The following PCED1B variants were observed in gnomAD, a reference collection of about 807,000 sequenced individuals.
PCED1B encodes the protein PC-esterase domain containing 1B.
For missense variants in PCED1B, 573 were observed against 573.9 expected (o/e 1.00, Z 0.02); for synonymous variants, 251 against 246.1 (o/e 1.02, Z -0.19).
At chr12:47,148,762 A>G (rs1940883981) in intron 2 of PCED1B, among the ~76,000 whole-genome samples, 1 of 152,226 alleles carries the variant, frequency 6.6e-6, no homozygotes, top group Admixed American at 6.5e-5. Flanking sequence ...AAATTTATTC[A>G]TCATTAATTC....
chr12:47,090,180 A>G (rs1938202175), intron 1 of PCED1B, among the ~76,000 whole-genome samples: 1 of 152,166 alleles, frequency 6.6e-6, no homozygotes, highest in African/African-American at 2.4e-5. Context: ...TCAGCCCAAT[A>G]ACGGAGAATG....
chr12:47,148,459 AGCTATAGG>A (rs1410322376), intron 2 of PCED1B, among the ~76,000 whole-genome samples: 1 of 152,194 alleles, frequency 6.6e-6, no homozygotes, highest in African/African-American at 2.4e-5. Context: ...AGTAGGGGCT[AGCTATAGG>A]GCAGGAAACC....
intron 2 of PCED1B, among the ~76,000 whole-genome samples, chr12:47,110,998 C>A (rs1939170307): frequency 6.6e-6 from 1 of 152,154 alleles, no homozygotes; most frequent in African/African-American, 2.4e-5. Context: ...AACTTCAAAT[C>A]TCAAAGAGAA....
At chr12:47,221,709 A>G (rs1380298836) in intron 3 of PCED1B, among the ~76,000 whole-genome samples, 2 of 152,226 alleles carry the variant, frequency 1.3e-5, no homozygotes, top group African/African-American at 4.8e-5. Context: ...ATTGTTGGTC[A>G]ATGCAATATT....
intron 3 of PCED1B, among the ~76,000 whole-genome samples, chr12:47,225,863 T>C (rs2137863129): frequency 6.6e-6 from 1 of 152,318 alleles, no homozygotes; most frequent in Admixed American, 6.5e-5. Context: ...CTTATTTCAG[T>C]GTACCTCTTC....
chr12:47,196,668 A>C (rs867852005), intron 2 of PCED1B, among the ~76,000 whole-genome samples: 5 of 152,094 alleles, frequency 3.3e-5, no homozygotes, highest in Admixed American at 2.6e-4. Context: ...TCTCTACTAA[A>C]ATTGCAAAAA....
intron 2 of PCED1B, among the ~76,000 whole-genome samples, chr12:47,215,546 G>A (rs931912533): frequency 4.6e-5 from 7 of 151,954 alleles, no homozygotes; most frequent in South Asian, 2.1e-4. Flanking sequence ...GAGCCACAGC[G>A]CCAGACGAAC....
intron 2 of PCED1B, among the ~76,000 whole-genome samples, chr12:47,188,641 A>G (rs1437711955): frequency 3.3e-5 from 5 of 152,234 alleles, no homozygotes; most frequent in Non-Finnish European, 7.3e-5. Flanking sequence ...AGAGTAGCAG[A>G]GTCTTGCAGA....
intron 3 of PCED1B, among the ~76,000 whole-genome samples, chr12:47,232,189 T>G (rs1943829239): frequency 1.3e-5 from 2 of 152,218 alleles, no homozygotes; most frequent in Non-Finnish European, 2.9e-5. Context: ...TGCTTCAGTT[T>G]TGTTTTGTTT....
chr12:47,165,609 T>C (rs1192230795), intron 2 of PCED1B, among the ~76,000 whole-genome samples: 1 of 152,232 alleles, frequency 6.6e-6, no homozygotes, highest in Non-Finnish European at 1.5e-5. Context: ...CAAATGTCTA[T>C]ATAGGCTTTT....
intron 2 of PCED1B, among the ~76,000 whole-genome samples, chr12:47,175,826 C>G (rs950498856): frequency 1.3e-5 from 2 of 152,000 alleles, no homozygotes; most frequent in Admixed American, 6.6e-5. Context: ...CCTGCCTCAG[C>G]CTCCCAAAGT....
rs775473045 is a variant in PCED1B, at chr12:47,235,147, A to G, written c.84A>G (p.Ala28=). The G allele has an allele frequency of 6.4e-6, 10 of 1,574,096 alleles. No individual in the cohort carries two copies. The highest frequency in any genetic ancestry group is 2.6e-6 in the Non-Finnish European group (3 of 1,159,636). The change falls in exon 4 of 4, where the codon GCA becomes GCG. Residue 28 remains alanine, a synonymous_variant. Transcript: ENST00000546455. The part of the protein sequence containing the change: ...VVILGDSVHR[A]VYKDLVLLLQ... ...TCCTGGGGGACTCTGTGCATAGGGC[A>G]GTATACAAGGACCTGGTGCTTCTGC...
intron 2 of PCED1B, among the ~76,000 whole-genome samples, chr12:47,202,594 T>TAAAA (rs60769675): frequency 1.3e-3 from 84 of 66,526 alleles, no homozygotes; most frequent in Admixed American, 2.4e-3. Flanking sequence ...TAGACATTAG[T>TAAAA]AAAAAAAAAA....
At chr12:47,162,684 T>G (rs1047403975) in intron 2 of PCED1B, among the ~76,000 whole-genome samples, 1 of 152,120 alleles carries the variant, frequency 6.6e-6, no homozygotes, top group Non-Finnish European at 1.5e-5. Context: ...CCAGACTCTT[T>G]TTAACAAGCA....
At chr12:47,230,724 G>A (rs553132857) in intron 3 of PCED1B, among the ~76,000 whole-genome samples, 1 of 152,166 alleles carries the variant, frequency 6.6e-6, no homozygotes, top group Non-Finnish European at 1.5e-5. Flanking sequence ...TTACAGGCGT[G>A]AGCCTCCTCG....
chr12:47,161,735 C>A lies in PCED1B; in HGVS notation c.-525-54487C>A, dbSNP rs148110819. 3.1e-3 allele frequency among the ~76,000 whole-genome samples: 478 copies of A among 152,250 alleles called. 3 individuals carry two copies. Among genetic ancestry groups the A allele is most frequent in the African/African-American group, 8.9e-3 (370 of 41,550 alleles). ...CCTCAAGGATCTAGAACTAGAAATA[C>A]CATTTGACCCAGCCATCCCATTACT... On this transcript the variant is annotated intron_variant, in intron 2 of 3. Transcript: ENST00000546455.
intron 2 of PCED1B, among the ~76,000 whole-genome samples, chr12:47,106,507 G>A (rs1269239814): frequency 6.6e-6 from 1 of 152,136 alleles, no homozygotes; most frequent in Non-Finnish European, 1.5e-5. Context: ...CTGACCTGGT[G>A]CTCAGGATAA....
At position 47,235,099 on chromosome 12, in the gene PCED1B, G is replaced by A. The variant is rs148401674; in HGVS notation, c.36G>A (p.Leu12=). Residue 12 remains leucine (L), a synonymous_variant, in exon 4 of 4, where the codon CTG becomes CTA. Transcript: ENST00000546455. ...TGCGGGCCTCCGAAGTGCGGCAGCT[G>A]CTTCACAATAAGTTCGTGGTCATCC... is the stretch of plus-strand genomic sequence containing the variant. ...ILLRASEVRQ[L]LHNKFVVILG... is the part of the protein sequence containing the mutation. 2.6e-6 allele frequency: 4 copies of A among 1,529,862 alleles called. No individual in the cohort carries two copies. The highest frequency in any genetic ancestry group is 2.1e-5 in the Admixed American group (1 of 46,938). 94.8% of individuals were successfully genotyped at this position (1,529,862 alleles called of 1,614,324 possible).
rs552843430 is a variant in PCED1B at position 47,178,712 on chromosome 12, C to A, written c.-525-37510C>A. On this transcript the variant is annotated intron_variant, in intron 2 of 3. Coordinates refer to ENST00000546455, the MANE Select transcript of PCED1B (RefSeq NM_138371.3). Reference sequence around the variant, plus strand: ...TGAAACCCTGTCTCTACTAAAAATACAAAAATTAGCTGGGCATGGTGGTGA... The same window carrying A: ...TGAAACCCTGTCTCTACTAAAAATAAAAAAATTAGCTGGGCATGGTGGTGA... Among the ~76,000 whole-genome samples the A allele has an allele frequency of 4.0e-5, 6 of 151,798 alleles. No homozygotes were observed. In the East Asian group the frequency reaches 5.8e-4, roughly 15 times the overall value.
Sources: gnomAD v4.1 joint callset for allele counts (sites outside exome capture counted in the v4.1 genomes callset) on GRCh38, gnomAD v4.1.1 for gene constraint, MANE v1.5 for transcripts, NCBI Gene and HGNC (gene_info 2026-07-23, HGNC 2026-07-21) for gene names.